Variants in KPNA1 observed in about 807,000 individuals in gnomAD.
KPNA1 encodes the protein importin subunit alpha-5.
A neutral mutation model predicts 70.5 loss-of-function variants in KPNA1; 10 were observed. That is an observed-to-expected ratio of 0.14 (90% confidence interval 0.09 to 0.24). The LOEUF is 0.24. Among genes scored for constraint, KPNA1 ranks in the 10% least tolerant of loss-of-function variants. KPNA1 has a pLI of 1.00. For missense variants in KPNA1, 397 were observed against 637.9 expected, an observed-to-expected ratio of 0.62 and a Z score of 4.07; for synonymous variants, 192 against 221.9, an observed-to-expected ratio of 0.87 and a Z score of 1.20.
chr3:122,445,869 A>G (rs1407431659), intron 9 of KPNA1, among the ~76,000 whole-genome samples: 1 of 152,186 alleles, frequency 6.6e-6, no homozygotes, highest in Non-Finnish European at 1.5e-5. Context: ...AGGGGTTGCA[A>G]TCCTAGTCTC....
chr3:122,425,244 A>G lies in KPNA1; in HGVS notation c.*1741T>C, dbSNP rs2075807039. 1 of 152,696 alleles carries G rather than the reference A, an allele frequency of 6.5e-6. No homozygotes were observed. The highest frequency in any genetic ancestry group is 2.1e-4 in the South Asian group (1 of 4,838). 9.5% of individuals were successfully genotyped at this position (152,696 alleles called of 1,614,324 possible). A position where few individuals can be genotyped will look rare whatever the true frequency, so the allele number is the denominator to read the frequency against. Reference sequence around the variant, plus strand: ...TTTTTAAAAGTTTAAATCAGGTCACATAAGTTGGCTGCTTAAATAACATCA... The same window carrying G: ...TTTTTAAAAGTTTAAATCAGGTCACGTAAGTTGGCTGCTTAAATAACATCA... On this transcript the variant is annotated 3_prime_UTR_variant, in exon 14 of 14. Coordinates refer to ENST00000344337, the MANE Select transcript of KPNA1 (RefSeq NM_002264.4).
In KPNA1 at chr3:122,475,514, G is replaced by A. The variant is rs960273769; in HGVS notation, c.130-8085C>T. On this transcript the variant is annotated intron_variant, in intron 2 of 13. Coordinates refer to ENST00000344337, the MANE Select transcript of KPNA1 (RefSeq NM_002264.4). ...TTTTTTAAAATCCTAAAATTCATAT[G>A]GACCTACAAAAGACCCCAAATAGCC... Among the ~76,000 whole-genome samples, 8 of 152,214 alleles carry A rather than the reference G, an allele frequency of 5.3e-5. No individual in the cohort carries two copies. In the South Asian group the frequency reaches 8.3e-4, roughly 16 times the overall value.
At chr3:122,454,043 A>G (rs761083514) in intron 5 of KPNA1, 42 bp from the exon 6 acceptor site, 1 of 1,425,074 alleles carries the variant, frequency 7.0e-7, no homozygotes, top group Non-Finnish European at 9.5e-7. Flanking sequence ...TTTAGAATGT[A>G]AAAGTTTGTT....
At chr3:122,487,740 A>ATCT (rs2076645737) in intron 2 of KPNA1, among the ~76,000 whole-genome samples, 1 of 152,220 alleles carries the variant, frequency 6.6e-6, no homozygotes, top group Non-Finnish European at 1.5e-5. Flanking sequence ...AATGCCAGTT[A>ATCT]TCAGAAGCTG....
At chr3:122,497,833 T>A (rs532304240) in intron 1 of KPNA1, among the ~76,000 whole-genome samples, 14 of 152,360 alleles carry the variant, frequency 9.2e-5, no homozygotes, top group African/African-American at 3.4e-4. Context: ...TTATCAGATA[T>A]GCTTTTCAAA....
intron 9 of KPNA1, among the ~76,000 whole-genome samples, chr3:122,447,911 A>T (rs2076157741): frequency 6.6e-6 from 1 of 152,096 alleles, no homozygotes; most frequent in African/African-American, 2.4e-5. Flanking sequence ...TACTTAAACT[A>T]ATTTACAAGA....
chr3:122,496,669 C>T (rs2076765162), intron 1 of KPNA1, 99 bp from the exon 2 acceptor site: 1 of 1,095,532 alleles, frequency 9.1e-7, no homozygotes, highest in Non-Finnish European at 1.3e-6. Flanking sequence ...CAGACATATC[C>T]CAAAGGGACA....
chr3:122,460,715 G>A (rs2076315214), intron 5 of KPNA1: 1 of 932,268 alleles, frequency 1.1e-6, no homozygotes, highest in African/African-American at 1.8e-5. Flanking sequence ...CCCTTATATA[G>A]TACAGTACTG....
At chr3:122,438,028 C>T (rs1401260904) in intron 10 of KPNA1, among the ~76,000 whole-genome samples, 1 of 152,172 alleles carries the variant, frequency 6.6e-6, no homozygotes, top group Non-Finnish European at 1.5e-5. Flanking sequence ...AATATCATTT[C>T]TTAACCCTGA....
chr3:122,437,270 T>G lies in KPNA1; in HGVS notation c.1022A>C (p.Gln341Pro). 6.2e-7 allele frequency: 1 copy of G among 1,612,354 alleles called. No homozygotes were observed. Among genetic ancestry groups the G allele is most frequent in the Non-Finnish European group, 8.5e-7 (1 of 1,179,200 alleles). The change falls in exon 11 of 14, where the codon CAG (glutamine) becomes CCG (proline). Residue 341 changes from glutamine to proline, a missense_variant. Coordinates refer to ENST00000344337, the MANE Select transcript of KPNA1 (RefSeq NM_002264.4). ...TQVILNCSALQSLLHLLSSPK... is the reference protein window; with the variant it reads ...TQVILNCSALPSLLHLLSSPK... Reference sequence around the variant, plus strand: ...GCTACTCAGCAAATGCAATAAACTCTGCAGAGCTGAGCAATTCAGAATTAC... The same window carrying G: ...GCTACTCAGCAAATGCAATAAACTCGGCAGAGCTGAGCAATTCAGAATTAC...
intron 5 of KPNA1, chr3:122,460,072 C>T: frequency 1.0e-6 from 1 of 985,234 alleles, no homozygotes; most frequent in Non-Finnish European, 1.2e-6. Flanking sequence ...AAAGATAATC[C>T]CATTTTGTGA....
At chr3:122,508,562 C>T (rs2076917241) in intron 1 of KPNA1, among the ~76,000 whole-genome samples, 1 of 152,128 alleles carries the variant, frequency 6.6e-6, no homozygotes, top group African/African-American at 2.4e-5. Context: ...ATTACATGAG[C>T]ACAACAGTAA....
At chr3:122,514,703 CG>C (rs910168762) in intron 1 of KPNA1, 53 bp downstream of exon 1, 2 of 152,508 alleles carry the variant, frequency 1.3e-5, no homozygotes, top group African/African-American at 2.4e-5. Flanking sequence ...CGGGACTGCC[CG>C]GATCTGCCGG....
intron 10 of KPNA1, among the ~76,000 whole-genome samples, chr3:122,437,959 G>T (rs1258362582): frequency 6.6e-6 from 1 of 152,180 alleles, no homozygotes; most frequent in African/African-American, 2.4e-5. Flanking sequence ...TTCTTCCAAT[G>T]ACTTGTGGCT....
intron 11 of KPNA1, 82 bp from the exon 12 acceptor site, chr3:122,433,870 A>G: frequency 9.0e-7 from 1 of 1,107,352 alleles, no homozygotes; most frequent in East Asian, 2.6e-5. Flanking sequence ...TTTCTAAGCT[A>G]GTTTGACTAT....
Position 122,423,018 on chromosome 3 carries a change from T to A in KPNA1, c.*3967A>T, listed in dbSNP as rs1576262307. ...TATCAGATATTCTGATGTCCTGGTA[T>A]CCATTGTTATAACCTGTATATAACC... On this transcript the variant is annotated 3_prime_UTR_variant, in exon 14 of 14. Coordinates refer to ENST00000344337, the MANE Select transcript of KPNA1 (RefSeq NM_002264.4). The A allele has an allele frequency of 6.6e-6, 1 of 152,330 alleles. No homozygotes were observed. Among genetic ancestry groups the A allele is most frequent in the East Asian group, 1.9e-4 (1 of 5,188 alleles). The allele number at this position is 152,330 out of a possible 1,614,324, so 9.4% of individuals were successfully genotyped here.
chr3:122,451,943 G>GAA, intron 7 of KPNA1, 33 bp downstream of exon 7: 1 of 1,299,660 alleles, frequency 7.7e-7, no homozygotes, highest in Admixed American at 2.2e-5. Flanking sequence ...TTCTCAAAAA[G>GAA]AAAAAAAAAG....
chr3:122,507,613 C>T (rs1403359996), intron 1 of KPNA1, among the ~76,000 whole-genome samples: 1 of 152,014 alleles, frequency 6.6e-6, no homozygotes, highest in Non-Finnish European at 1.5e-5. Context: ...TATCAACCTA[C>T]CTAAAACACT....
In KPNA1 at chr3:122,425,118, G is replaced by C. The variant is rs978001109; in HGVS notation, c.*1867C>G. 1.3e-5 allele frequency: 2 copies of C among 152,458 alleles called. No homozygotes were observed. Among genetic ancestry groups the C allele is most frequent in the African/African-American group, 4.8e-5 (2 of 41,450 alleles). The allele number at this position is 152,458 out of a possible 1,614,324, so 9.4% of individuals were successfully genotyped here. A position where few individuals can be genotyped will look rare whatever the true frequency, so the allele number is the denominator to read the frequency against. ...CAGACATCAGACGGTATCCATCCCA[G>C]AGCACAGACACTACTACAGACTAGA... On this transcript the variant is annotated 3_prime_UTR_variant, in exon 14 of 14. Coordinates refer to ENST00000344337, the MANE Select transcript of KPNA1 (RefSeq NM_002264.4).
Sources: gnomAD v4.1 joint callset for allele counts (sites outside exome capture counted in the v4.1 genomes callset) on GRCh38, gnomAD v4.1.1 for gene constraint, MANE v1.5 for transcripts, NCBI Gene and HGNC (gene_info 2026-07-23, HGNC 2026-07-21) for gene names.